PAX8: variants seen among roughly 807,000 people sequenced by gnomAD.
The protein encoded by PAX8 is paired box 8.
In PAX8, 15 loss-of-function variants were observed where a neutral mutation model predicts 52.4. That is an observed-to-expected ratio of 0.29 (90% CI 0.19 to 0.44). PAX8 has a LOEUF of 0.44. Ranked by LOEUF, PAX8 falls within the 20% of genes least tolerant of loss-of-function variation. The pLI is 1.00. For missense variants in PAX8, 554 were observed against 602.5 expected (o/e 0.92, Z 0.84); for synonymous variants, 284 against 249.7 (o/e 1.14, Z -1.29).
At chr2:113,238,740 A>G (rs781628916) in intron 7 of PAX8, 10 of 152,192 alleles carry the variant, frequency 6.6e-5, no homozygotes, top group Non-Finnish European at 1.0e-4. Flanking sequence ...TCTCACCTGT[A>G]TGGGAATCAT....
Position 113,278,905 on chromosome 2 carries a change from T to C in PAX8, c.-150A>G. On this transcript the variant is annotated 5_prime_UTR_variant, in exon 1 of 12. Transcript: ENST00000429538. Reference sequence around the variant, plus strand: ...GCCCTGGGCCCGGTGTCTCTCCTCCTTCTGAAGTTTGTTCCCATCCACCCG... The same window carrying C: ...GCCCTGGGCCCGGTGTCTCTCCTCCCTCTGAAGTTTGTTCCCATCCACCCG... 2.9e-6 allele frequency: 3 copies of C among 1,047,750 alleles called. No individual in the cohort carries two copies. The highest frequency in any genetic ancestry group is 3.5e-6 in the Non-Finnish European group (3 of 867,026). 64.9% of individuals were successfully genotyped at this position (1,047,750 alleles called of 1,614,324 possible). A position where few individuals can be genotyped will look rare whatever the true frequency, so the allele number is the denominator to read the frequency against.
chr2:113,266,793 T>C (rs1408635502), intron 2 of PAX8: 1 of 152,256 alleles, frequency 6.6e-6, no homozygotes, highest in African/African-American at 2.4e-5. Context: ...ATTTACATCT[T>C]AAACTTGAAG....
chr2:113,216,059 G>C lies in PAX8; in HGVS notation c.*2474C>G. 1 of 222,996 alleles carries C rather than the reference G, an allele frequency of 4.5e-6. No individual in the cohort carries two copies. Among genetic ancestry groups the C allele is most frequent in the Non-Finnish European group, 9.0e-6 (1 of 111,626 alleles). The allele number at this position is 222,996 out of a possible 1,614,324, so 13.8% of individuals were successfully genotyped here. On this transcript the variant is annotated 3_prime_UTR_variant, in exon 12 of 12. Transcript: ENST00000429538. ...GTTGTGAGTTGGAAAGGGTCTGCCG[G>C]GGGTACAGAGTGTCCCCAGAGGGGC...
At chr2:113,255,085 AG>A (rs1274946761) in intron 2 of PAX8, among the ~76,000 whole-genome samples, 2 of 124,682 alleles carry the variant, frequency 1.6e-5, no homozygotes, top group Admixed American at 8.3e-5. Flanking sequence ...GAAGGAAGGA[AG>A]GAAAAAAGAA....
chr2:113,234,275 G>C (rs1354820661), intron 9 of PAX8, among the ~76,000 whole-genome samples: 1 of 152,210 alleles, frequency 6.6e-6, no homozygotes, highest in Non-Finnish European at 1.5e-5. Context: ...CAAGCCAAGC[G>C]CTTGACTCTC....
intron 2 of PAX8, chr2:113,255,455 AAG>A (rs1491142212): frequency 1.3e-5 from 2 of 152,402 alleles, no homozygotes; most frequent in Non-Finnish European, 2.9e-5. Context: ...CCAAAAAAAA[AAG>A]AGGTTTGCCC....
rs1467519507 is a variant in PAX8, at chr2:113,246,924, G to A, written c.26-5C>T. 1 of 1,612,720 alleles carries A rather than the reference G, an allele frequency of 6.2e-7. No individual in the cohort carries two copies. The highest frequency in any genetic ancestry group is 8.5e-7 in the Non-Finnish European group (1 of 1,179,268). Reference sequence around the variant, plus strand: ...GCTGGTTCAGCCCTCCATGGCCTAAGGAGACAATATTCCCAGGGACAGCTG... The same window carrying A: ...GCTGGTTCAGCCCTCCATGGCCTAAAGAGACAATATTCCCAGGGACAGCTG... On this transcript the variant is annotated splice_polypyrimidine_tract_variant and splice_region_variant and intron_variant, in intron 2 of 11. Coordinates refer to ENST00000429538, the MANE Select transcript of PAX8 (RefSeq NM_003466.4).
intron 2 of PAX8, among the ~76,000 whole-genome samples, chr2:113,257,617 T>C (rs1692356324): frequency 6.6e-6 from 1 of 152,124 alleles, no homozygotes; most frequent in Non-Finnish European, 1.5e-5. Flanking sequence ...AGAGGATGGA[T>C]AAAGAGGTTT....
intron 9 of PAX8, among the ~76,000 whole-genome samples, chr2:113,229,561 C>A (rs1045688522): frequency 1.1e-4 from 16 of 152,158 alleles, no homozygotes; most frequent in African/African-American, 3.4e-4. Context: ...TGGGGTGAAA[C>A]CCACTAGAAT....
intron 2 of PAX8, chr2:113,274,053 C>CT (rs1333849706): frequency 6.6e-6 from 1 of 152,068 alleles, no homozygotes; most frequent in African/African-American, 2.4e-5. Context: ...TGTGTCTCTA[C>CT]TTTGGGTTAA....
intron 2 of PAX8, chr2:113,267,676 G>C (rs1025177792): frequency 6.6e-6 from 1 of 152,214 alleles, no homozygotes; most frequent in African/African-American, 2.4e-5. Context: ...GTACAGCCGG[G>C]ACTCATCAAT....
intron 2 of PAX8, chr2:113,274,429 A>G (rs1190543046): frequency 6.6e-6 from 1 of 152,186 alleles, no homozygotes; most frequent in East Asian, 1.9e-4. Context: ...ATTTTCTTAT[A>G]TTGAATGGCA....
intron 9 of PAX8, among the ~76,000 whole-genome samples, chr2:113,231,035 CAT>C (rs1399782933): frequency 6.6e-6 from 1 of 152,218 alleles, no homozygotes; most frequent in Non-Finnish European, 1.5e-5. Context: ...AGGCCAGAAT[CAT>C]AAAGCTATTG....
At chr2:113,226,309 T>C in intron 10 of PAX8, 2 of 985,534 alleles carry the variant, frequency 2.0e-6, no homozygotes, top group South Asian at 4.7e-5. Context: ...TTCAGAGCTC[T>C]TTCCAGAAAC....
intron 10 of PAX8, chr2:113,225,956 G>C: frequency 1.0e-6 from 1 of 982,504 alleles, no homozygotes; most frequent in Non-Finnish European, 1.2e-6. Context: ...AGGGAGGGAG[G>C]GAGGGAGTCC....
intron 2 of PAX8, among the ~76,000 whole-genome samples, chr2:113,249,123 A>G (rs530569835): frequency 1.1e-3 from 160 of 152,346 alleles, no homozygotes; most frequent in African/African-American, 3.7e-3. Context: ...GCTTCCACCT[A>G]TGCCTGTCCA....
chr2:113,270,072 C>T (rs936189902), intron 2 of PAX8: 2 of 152,192 alleles, frequency 1.3e-5, no homozygotes, highest in African/African-American at 4.8e-5. Flanking sequence ...CTATGCGTCC[C>T]TTCATTTAAT....
At chr2:113,249,616 G>T (rs953470431) in intron 2 of PAX8, among the ~76,000 whole-genome samples, 135 of 152,144 alleles carry the variant, frequency 8.9e-4, no homozygotes, top group Non-Finnish European at 8.1e-4. Context: ...GCTGTAAGTT[G>T]TGTGGGACAT....
At chr2:113,271,558 T>A (rs1693459734) in intron 2 of PAX8, 1 of 151,742 alleles carries the variant, frequency 6.6e-6, no homozygotes, top group African/African-American at 2.4e-5. Flanking sequence ...AAGGGGTGTA[T>A]TTTAATTAAA....
Sources: gnomAD v4.1 joint callset for allele counts (sites outside exome capture counted in the v4.1 genomes callset) on GRCh38, gnomAD v4.1.1 for gene constraint, MANE v1.5 for transcripts, NCBI Gene and HGNC (gene_info 2026-07-23, HGNC 2026-07-21) for gene names.